Variants in DNAAF9 observed in about 807,000 individuals in gnomAD.
DNAAF9 encodes the protein dynein axonemal assembly factor 9.
Under a neutral mutation model 167.0 loss-of-function variants are expected in DNAAF9, and 90 were observed. That is an observed-to-expected ratio of 0.54 (90% CI 0.45 to 0.64). DNAAF9 has a LOEUF of 0.64. Among genes scored for constraint, DNAAF9 ranks in the 30% least tolerant of loss-of-function variants. The pLI is 0.00. For missense variants in DNAAF9, 1,315 were observed against 1,442.2 expected (o/e 0.91, Z 1.43); for synonymous variants, 491 against 508.8 (o/e 0.96, Z 0.47).
intron 29 of DNAAF9, among the ~76,000 whole-genome samples, chr20:3,275,974 G>A (rs1169666154): frequency 6.6e-6 from 1 of 152,202 alleles, no homozygotes; most frequent in Non-Finnish European, 1.5e-5. Flanking sequence ...TCTCCACTTT[G>A]CTCTCACACC....
At chr20:3,271,552 G>A (rs1052293346) in intron 29 of DNAAF9, among the ~76,000 whole-genome samples, 2 of 151,292 alleles carry the variant, frequency 1.3e-5, no homozygotes, top group Non-Finnish European at 2.9e-5. Flanking sequence ...TATTTTAACA[G>A]TTATAATCAT....
chr20:3,344,324 T>G (rs748880348), intron 8 of DNAAF9, among the ~76,000 whole-genome samples: 39 of 152,112 alleles, frequency 2.6e-4, no homozygotes, highest in Admixed American at 3.3e-4. Context: ...GTCCAAAGAA[T>G]CCAAAAATTC....
In DNAAF9 at chr20:3,359,518, C is replaced by G; in HGVS notation, c.688G>C (p.Asp230His). 1.2e-6 allele frequency: 2 copies of G among 1,607,126 alleles called. No homozygotes were observed. Among genetic ancestry groups the G allele is most frequent in the East Asian group, 2.2e-5 (1 of 44,754 alleles). ...AAAGTTACTGTTTGGCTCCTTACATCTGAAAGCAAACTCTCCAGAGACATA... is the reference window on the plus strand; with the variant it reads ...AAAGTTACTGTTTGGCTCCTTACATGTGAAAGCAAACTCTCCAGAGACATA... ...DPMSLESLLS[D>H]DLVAFEHQWT... The change falls in exon 7 of 37, where the codon GAT (aspartate) becomes CAT (histidine). Residue 230 changes from aspartate to histidine, a missense_variant and splice_region_variant. By Grantham distance (81) the Asp-to-His change is moderately conservative (BLOSUM62 -1). Coordinates refer to ENST00000252032, the MANE Select transcript of DNAAF9 (RefSeq NM_001009984.3).
intron 8 of DNAAF9, among the ~76,000 whole-genome samples, chr20:3,344,751 T>A (rs146874246): frequency 6.6e-6 from 1 of 152,260 alleles, no homozygotes; most frequent in Non-Finnish European, 1.5e-5. Flanking sequence ...CCAAATTGTT[T>A]TTTAAGTTCT....
intron 1 of DNAAF9, among the ~76,000 whole-genome samples, chr20:3,395,899 G>T (rs982401201): frequency 6.6e-6 from 1 of 152,080 alleles, no homozygotes. Context: ...ATCTTGAATT[G>T]TAACTCCCAT....
intron 25 of DNAAF9, among the ~76,000 whole-genome samples, chr20:3,292,805 G>A (rs998019704): frequency 8.0e-5 from 12 of 150,758 alleles, no homozygotes; most frequent in Admixed American, 2.0e-4. Flanking sequence ...GGTGGCTCAC[G>A]CCTGTAATCC....
intron 1 of DNAAF9, among the ~76,000 whole-genome samples, chr20:3,398,373 A>T (rs975434856): frequency 6.6e-6 from 1 of 152,288 alleles, no homozygotes; most frequent in South Asian, 2.1e-4. Flanking sequence ...AAGCCAATAC[A>T]TTCCATTTTT....
intron 29 of DNAAF9, among the ~76,000 whole-genome samples, chr20:3,272,690 C>T (rs961054668): frequency 2.0e-5 from 3 of 152,144 alleles, no homozygotes; most frequent in Non-Finnish European, 4.4e-5. Context: ...AATATAATTT[C>T]ATAGATAGGC....
chr20:3,350,140 G>GACACACACACACACACACAC (rs1491384105), intron 7 of DNAAF9, among the ~76,000 whole-genome samples: 87 of 115,758 alleles, frequency 7.5e-4, no homozygotes, highest in Non-Finnish European at 1.0e-3. Context: ...CAGACACACA[G>GACACACACACACACACACAC]ACACACAGAC....
intron 26 of DNAAF9, among the ~76,000 whole-genome samples, chr20:3,289,084 G>A (rs1369106034): frequency 6.6e-6 from 1 of 152,188 alleles, no homozygotes; most frequent in African/African-American, 2.4e-5. Flanking sequence ...ACAGTAGCGT[G>A]TGCCTGTATC....
At chr20:3,321,931 G>A (rs1005429184) in intron 16 of DNAAF9, among the ~76,000 whole-genome samples, 1 of 152,146 alleles carries the variant, frequency 6.6e-6, no homozygotes, top group African/African-American at 2.4e-5. Flanking sequence ...CTGTAGGAAG[G>A]CTTCATAACC....
intron 6 of DNAAF9, among the ~76,000 whole-genome samples, chr20:3,369,788 C>T (rs1247069175): frequency 2.0e-5 from 3 of 152,134 alleles, no homozygotes; most frequent in African/African-American, 7.2e-5. Context: ...CCTTCCACCC[C>T]TCTATTGATT....
chr20:3,267,141 C>T (rs956743984), intron 30 of DNAAF9, among the ~76,000 whole-genome samples: 20 of 152,166 alleles, frequency 1.3e-4, no homozygotes, highest in African/African-American at 4.1e-4. Context: ...TGTGAGCCAC[C>T]GTGCCTGGCC....
At chr20:3,261,550 T>C (rs1298284708) in intron 31 of DNAAF9, among the ~76,000 whole-genome samples, 1 of 151,086 alleles carries the variant, frequency 6.6e-6, no homozygotes, top group Non-Finnish European at 1.5e-5. Context: ...GTATTTTTAA[T>C]AGAGATGGGG....
intron 17 of DNAAF9, among the ~76,000 whole-genome samples, chr20:3,317,838 T>A (rs2069532188): frequency 6.6e-6 from 1 of 152,054 alleles, no homozygotes; most frequent in Non-Finnish European, 1.5e-5. Context: ...CTCAAGTGAT[T>A]CGCCCACCTT....
rs1336405663 is a variant in DNAAF9, at chr20:3,315,276, T to C, written c.1591-156A>G. 6.6e-6 allele frequency among the ~76,000 whole-genome samples: 1 copy of C among 152,250 alleles called. No individual in the cohort carries two copies. The highest frequency in any genetic ancestry group is 1.5e-5 in the Non-Finnish European group (1 of 68,042). On this transcript the variant is annotated intron_variant, in intron 19 of 36. Coordinates refer to ENST00000252032, the MANE Select transcript of DNAAF9 (RefSeq NM_001009984.3). This position sits in a 1 kb window ranked among gnomAD's most constrained non-coding sequence, Gnocchi z 4.1. Reference sequence around the variant, plus strand: ...ATGTATTCCATGGCCTTTGGCATTGTCTGGCTCTTTGGCAGTTACTGGCAT... The same window carrying C: ...ATGTATTCCATGGCCTTTGGCATTGCCTGGCTCTTTGGCAGTTACTGGCAT...
chr20:3,318,430 G>T (rs201981300), intron 16 of DNAAF9, 30 bp from the exon 17 acceptor site: 282 of 1,102,970 alleles, frequency 2.6e-4, no homozygotes, highest in Non-Finnish European at 3.3e-4. Flanking sequence ...AGTTAGATCA[G>T]TTACCAGCCC....
At chr20:3,360,894 A>G (rs1391121087) in intron 6 of DNAAF9, among the ~76,000 whole-genome samples, 1 of 152,192 alleles carries the variant, frequency 6.6e-6, no homozygotes, top group Non-Finnish European at 1.5e-5. Context: ...TTTAACCACC[A>G]AGGACTCTGA....
chr20:3,290,479 A>T (rs1305869150), intron 25 of DNAAF9, among the ~76,000 whole-genome samples: 4 of 152,224 alleles, frequency 2.6e-5, no homozygotes, highest in African/African-American at 9.6e-5. Context: ...TACTAGTTTA[A>T]TTTTTACTAG....
Sources: gnomAD v4.1 joint callset for allele counts (sites outside exome capture counted in the v4.1 genomes callset) on GRCh38, gnomAD v4.1.1 for gene constraint, Gnocchi (gnomAD v3.1) non-coding constraint, MANE v1.5 for transcripts, NCBI Gene and HGNC (gene_info 2026-07-23, HGNC 2026-07-21) for gene names.